Variants in DRC11 observed in about 807,000 individuals in gnomAD.
DRC11 encodes the protein dynein regulatory complex subunit 11.
the DRC11 span, among the ~76,000 whole-genome samples, chr2:236,394,865 G>T: frequency 6.6e-6 from 1 of 152,196 alleles, no homozygotes; most frequent in African/African-American, 2.4e-5. This position sits in a 1 kb window ranked among gnomAD's most constrained non-coding sequence, Gnocchi z 7.0. Flanking sequence ...GGGCAGGGCT[G>T]TGTGTGTATT....
At chr2:236,356,240 C>T in the DRC11 span, among the ~76,000 whole-genome samples, 1 of 152,236 alleles carries the variant, frequency 6.6e-6, no homozygotes, top group Non-Finnish European at 1.5e-5. Flanking sequence ...TCTGCTCCAG[C>T]CTCCTTCCCT....
chr2:236,507,435 G>GA, the DRC11 span: 2 of 683,540 alleles, frequency 2.9e-6, no homozygotes, highest in African/African-American at 3.6e-5. Context: ...CTTCGGGCAG[G>GA]AAAAGGTGAG....
At chr2:236,490,970 A>G in the DRC11 span, among the ~76,000 whole-genome samples, 7 of 146,062 alleles carry the variant, frequency 4.8e-5, no homozygotes, top group African/African-American at 1.0e-4. The surrounding 1 kb of genome is among the most constrained non-coding windows in gnomAD (Gnocchi z 5.5). Flanking sequence ...ATATATGTGT[A>G]TATATATACA....
the DRC11 span, chr2:236,369,122 T>C: frequency 6.6e-6 from 1 of 152,250 alleles, no homozygotes; most frequent in East Asian, 1.9e-4. This position sits in a 1 kb window ranked among gnomAD's most constrained non-coding sequence, Gnocchi z 4.5. Context: ...CTGGATTTTT[T>C]TCCCTGATGC....
the DRC11 span, chr2:236,488,254 A>G: frequency 8.2e-7 from 1 of 1,214,902 alleles, no homozygotes. Context: ...TTGATCCCAG[A>G]CACATCACAT....
the DRC11 span, among the ~76,000 whole-genome samples, chr2:236,468,748 C>A: frequency 1.3e-5 from 2 of 152,154 alleles, no homozygotes; most frequent in East Asian, 3.8e-4. Flanking sequence ...TTAGTTTTCA[C>A]GGAGATGTTA....
chr2:236,373,104 T>G, the DRC11 span, among the ~76,000 whole-genome samples: 1 of 152,114 alleles, frequency 6.6e-6, no homozygotes, highest in South Asian at 2.1e-4. Context: ...ATTACTATTT[T>G]TATTTGCTCT....
the DRC11 span, among the ~76,000 whole-genome samples, chr2:236,370,240 G>A: frequency 6.6e-6 from 1 of 152,336 alleles, no homozygotes; most frequent in Non-Finnish European, 1.5e-5. This position sits in a 1 kb window ranked among gnomAD's most constrained non-coding sequence, Gnocchi z 5.5. Flanking sequence ...CCAGCCACAC[G>A]CCAGGGGCAG....
chr2:236,348,166 C>T, the DRC11 span, among the ~76,000 whole-genome samples: 2 of 152,208 alleles, frequency 1.3e-5, no homozygotes, highest in African/African-American at 4.8e-5. The surrounding 1 kb of genome is among the most constrained non-coding windows in gnomAD (Gnocchi z 7.4). Flanking sequence ...ACATTCTGTG[C>T]TTCTACAAAG....
the DRC11 span, among the ~76,000 whole-genome samples, chr2:236,492,910 T>A: frequency 2.6e-5 from 4 of 152,244 alleles, no homozygotes; most frequent in African/African-American, 9.6e-5. Context: ...TGGATTCTGT[T>A]CCTTGCTTCC....
the DRC11 span, among the ~76,000 whole-genome samples, chr2:236,463,123 T>C: frequency 6.6e-6 from 1 of 152,196 alleles, no homozygotes; most frequent in Non-Finnish European, 1.5e-5. The surrounding 1 kb of genome is among the most constrained non-coding windows in gnomAD (Gnocchi z 5.0). Context: ...GCATTTTTGC[T>C]GATATACTAA....
the DRC11 span, among the ~76,000 whole-genome samples, chr2:236,370,151 T>C: frequency 6.6e-6 from 1 of 151,978 alleles, no homozygotes; most frequent in African/African-American, 2.4e-5. This position sits in a 1 kb window ranked among gnomAD's most constrained non-coding sequence, Gnocchi z 5.5. Flanking sequence ...GAGACAGACA[T>C]GCACAGAGGC....
the DRC11 span, among the ~76,000 whole-genome samples, chr2:236,358,034 ATATT>A: frequency 4.1e-4 from 49 of 119,452 alleles, no homozygotes; most frequent in African/African-American, 1.1e-3. Flanking sequence ...ATATGAATAT[ATATT>A]TATAATATAT....
chr2:236,353,608 A>G, the DRC11 span, among the ~76,000 whole-genome samples: 1 of 151,838 alleles, frequency 6.6e-6, no homozygotes, highest in Non-Finnish European at 1.5e-5. This position sits in a 1 kb window ranked among gnomAD's most constrained non-coding sequence, Gnocchi z 5.0. Flanking sequence ...AACAGCTACT[A>G]TTTTTTTCAG....
chr2:236,456,538 C>T, the DRC11 span, among the ~76,000 whole-genome samples: 20 of 152,310 alleles, frequency 1.3e-4, no homozygotes, highest in Admixed American at 1.2e-3. This position sits in a 1 kb window ranked among gnomAD's most constrained non-coding sequence, Gnocchi z 5.4. Flanking sequence ...CTCAAGCCCC[C>T]GAGTTTTCCC....
the DRC11 span, among the ~76,000 whole-genome samples, chr2:236,434,502 G>C: frequency 6.6e-6 from 1 of 152,170 alleles, no homozygotes; most frequent in African/African-American, 2.4e-5. The surrounding 1 kb of genome is among the most constrained non-coding windows in gnomAD (Gnocchi z 5.5). Flanking sequence ...TCAGTGCAGG[G>C]AGGTAGACGT....
chr2:236,357,276 T>C, the DRC11 span, among the ~76,000 whole-genome samples: 6 of 78,578 alleles, frequency 7.6e-5, no homozygotes, highest in Admixed American at 6.2e-4. Flanking sequence ...AATATACATA[T>C]ATTATATATT....
At chr2:236,477,788 ATC>A in the DRC11 span, among the ~76,000 whole-genome samples, 1 of 152,112 alleles carries the variant, frequency 6.6e-6, no homozygotes, top group Non-Finnish European at 1.5e-5. Flanking sequence ...CCAGAAATTT[ATC>A]TGTTTCTTAA....
the DRC11 span, chr2:236,368,509 C>G: frequency 1.9e-5 from 10 of 537,618 alleles, no homozygotes; most frequent in African/African-American, 1.5e-4. Flanking sequence ...CCCTGCTCTA[C>G]TAGCTAGAGT....
Sources: allele counts gnomAD v4.1 joint callset (sites outside exome capture counted in the v4.1 genomes callset), GRCh38; gene constraint gnomAD v4.1.1; non-coding constraint Gnocchi (gnomAD v3.1); transcripts MANE v1.5; gene names NCBI Gene and HGNC (gene_info 2026-07-23, HGNC 2026-07-21).